Variants in RER1 observed in about 807,000 individuals in gnomAD.
The protein encoded by RER1 is protein RER1.
A neutral mutation model predicts 28.3 loss-of-function variants in RER1; 6 were observed. The observed-to-expected ratio is 0.21, with a 90% CI of 0.12 to 0.42. RER1 has a LOEUF of 0.42. Ranked by LOEUF, RER1 falls within the 10% of genes least tolerant of loss-of-function variation. The pLI is 1.00. For synonymous variants in RER1, 110 were observed against 95.9 expected, an observed-to-expected ratio of 1.15 and a Z score of -0.86; for missense variants, 159 against 252.9, an observed-to-expected ratio of 0.63 and a Z score of 2.52.
chr1:2,398,484 GT>G (rs1200327107), intron 3 of RER1, among the ~76,000 whole-genome samples: 1 of 152,250 alleles, frequency 6.6e-6, no homozygotes, highest in African/African-American at 2.4e-5. Context: ...CACCTCCTGG[GT>G]TCAAGTGATT....
rs1444229218 is a variant in RER1 at position 2,403,506 on chromosome 1, G to A, written c.*382G>A. 2.1e-5 allele frequency: 6 copies of A among 290,658 alleles called. No individual in the cohort carries two copies. The highest frequency in any genetic ancestry group is 3.4e-5 in the Non-Finnish European group (5 of 149,054). The allele number at this position is 290,658 out of a possible 1,614,324, so 18.0% of individuals were successfully genotyped here. On this transcript the variant is annotated 3_prime_UTR_variant, in exon 7 of 7. Coordinates refer to ENST00000605895, the MANE Select transcript of RER1 (RefSeq NM_007033.5). ...CCGCCAGCCGCCTTCCCCAGCAGCC[G>A]CAGGTGGTGCCAGCCACTCCACAGA...
chr1:2,400,491 C>A (rs981302913), intron 4 of RER1, among the ~76,000 whole-genome samples: 1 of 152,248 alleles, frequency 6.6e-6, no homozygotes, highest in Non-Finnish European at 1.5e-5. Context: ...CCGGGTTCCA[C>A]GGTCAGCGCA....
chr1:2,396,755 C>G (rs987370248), intron 2 of RER1, among the ~76,000 whole-genome samples: 1 of 152,066 alleles, frequency 6.6e-6, no homozygotes, highest in Non-Finnish European at 1.5e-5. Context: ...TGAGATGTGA[C>G]GATAAGGGCT....
intron 3 of RER1, among the ~76,000 whole-genome samples, chr1:2,398,918 T>A (rs1474629514): frequency 1.3e-5 from 2 of 152,200 alleles, no homozygotes; most frequent in African/African-American, 2.4e-5. Flanking sequence ...GCAGAGTGTT[T>A]TTGGCAATGT....
At position 2,402,243 on chromosome 1, in the gene RER1, C is replaced by A; in HGVS notation, c.402C>A (p.Val134=). ...CCAAGGGCATCCTTGTGGCTATGGTCTGTACTTTCTTCGACGCTTTCAACG... is the reference window on the plus strand; with the variant it reads ...CCAAGGGCATCCTTGTGGCTATGGTATGTACTTTCTTCGACGCTTTCAACG... ...AATKGILVAM[V]CTFFDAFNVP... Residue 134 remains valine, a synonymous_variant, in exon 6 of 7, where the codon GTC becomes GTA. Transcript: ENST00000605895. 1.2e-6 allele frequency: 2 copies of A among 1,614,226 alleles called. No individual in the cohort carries two copies. The highest frequency in any genetic ancestry group is 1.7e-6 in the Non-Finnish European group (2 of 1,180,038).
At chr1:2,396,967 G>C in intron 2 of RER1, 149 bp from the exon 3 acceptor site, 1 of 574,074 alleles carries the variant, frequency 1.7e-6, no homozygotes, top group Non-Finnish European at 3.2e-6. Flanking sequence ...TCTTTGTGCT[G>C]ATACATAGAT....
intron 3 of RER1, among the ~76,000 whole-genome samples, chr1:2,399,080 T>C (rs529856810): frequency 2.0e-5 from 3 of 152,340 alleles, no homozygotes; most frequent in Admixed American, 6.5e-5. Context: ...AGCTTGAGCA[T>C]GTGCTTCTTG....
At chr1:2,395,532 T>C (rs1019281261) in intron 1 of RER1, 2 of 489,156 alleles carry the variant, frequency 4.1e-6, no homozygotes, top group Non-Finnish European at 7.5e-6. Flanking sequence ...CGCAGGTGAC[T>C]GAGGTGCCAG....
At chr1:2,395,594 C>T in intron 1 of RER1, 190 bp from the exon 2 acceptor site, 1 of 583,822 alleles carries the variant, frequency 1.7e-6, no homozygotes, top group African/African-American at 1.9e-5. Flanking sequence ...TCTCACGCTG[C>T]CCTTCCTCTC....
intron 4 of RER1, among the ~76,000 whole-genome samples, chr1:2,400,560 C>A (rs543698880): frequency 1.3e-5 from 2 of 152,316 alleles, no homozygotes; most frequent in African/African-American, 4.8e-5. Context: ...CCTTTGTTTT[C>A]TTCTGTGCCT....
intron 3 of RER1, among the ~76,000 whole-genome samples, 164 bp downstream of exon 3, chr1:2,397,384 C>T (rs941615180): frequency 7.2e-5 from 11 of 152,206 alleles, no homozygotes; most frequent in South Asian, 2.1e-4. Flanking sequence ...CTGTCTTTAA[C>T]GAACAGGGTT....
intron 2 of RER1, among the ~76,000 whole-genome samples, chr1:2,396,561 A>T (rs1557901587): frequency 6.6e-6 from 1 of 152,268 alleles, no homozygotes; most frequent in Non-Finnish European, 1.5e-5. Flanking sequence ...AAATTAAAAT[A>T]AAAAACCATA....
chr1:2,394,246 G>C (rs1001169594), intron 1 of RER1: 6 of 152,200 alleles, frequency 3.9e-5, no homozygotes, highest in Non-Finnish European at 7.3e-5. Context: ...CGGTCTCCTT[G>C]AGCAGCCTGG....
Position 2,403,751 on chromosome 1 carries a change from A to G in RER1, c.*627A>G, listed in dbSNP as rs1278535241. On this transcript the variant is annotated 3_prime_UTR_variant, in exon 7 of 7. Transcript: ENST00000605895. The stretch of plus-strand genomic sequence containing the variant: ...AATTATAAATATATATTATATTTTA[A>G]TTGTTTGAGATTATTTTGACACATT... 1 of 152,556 alleles carries G rather than the reference A, an allele frequency of 6.6e-6. No individual in the cohort carries two copies. The highest frequency in any genetic ancestry group is 6.6e-5 in the Admixed American group (1 of 15,266). 9.5% of individuals were successfully genotyped at this position (152,556 alleles called of 1,614,324 possible).
chr1:2,395,580 T>A (rs1455297878), intron 1 of RER1: 2 of 564,218 alleles, frequency 3.5e-6, no homozygotes, highest in Non-Finnish European at 6.4e-6. Flanking sequence ...CCTGGGCCCA[T>A]GCGTCTCACG....
In RER1 at chr1:2,405,268, G is replaced by A. The variant is rs948115083; in HGVS notation, c.*2144G>A. On this transcript the variant is annotated 3_prime_UTR_variant, in exon 7 of 7. Coordinates refer to ENST00000605895, the MANE Select transcript of RER1 (RefSeq NM_007033.5). ...AGCCGCCCTCGGGGAGAGCAGCGCC[G>A]CCTCCCATGGGGCCGTGGGGCTGCT... 4.3e-5 allele frequency: 12 copies of A among 281,916 alleles called. No individual in the cohort carries two copies. Among genetic ancestry groups the A allele is most frequent in the East Asian group, 1.0e-4 (1 of 9,964 alleles). The allele number at this position is 281,916 out of a possible 1,614,324, so 17.5% of individuals were successfully genotyped here. A position where few individuals can be genotyped will look rare whatever the true frequency, so the allele number is the denominator to read the frequency against.
chr1:2,397,816 C>T (rs370194092), intron 3 of RER1, among the ~76,000 whole-genome samples: 211 of 152,218 alleles, frequency 1.4e-3, no homozygotes, highest in Non-Finnish European at 2.5e-3. Flanking sequence ...CTGGTAAACA[C>T]GGGGTTTCTA....
At chr1:2,392,229 GGGGCTGCAGCCCTCGAGCCACCC>G (rs1642687701) in intron 1 of RER1, among the ~76,000 whole-genome samples, 1 of 152,132 alleles carries the variant, frequency 6.6e-6, no homozygotes, top group African/African-American at 2.4e-5. Context: ...GGGCCGGGCG[GGGGCTGCAGCCCTCGAGCCACCC>G]GGGCCGCATC....
chr1:2,401,048 G>A, intron 5 of RER1, 113 bp downstream of exon 5: 1 of 897,476 alleles, frequency 1.1e-6, no homozygotes. Flanking sequence ...TGCTGGGCTG[G>A]GCACGGGGAA....
Sources: gnomAD v4.1 joint callset for allele counts (sites outside exome capture counted in the v4.1 genomes callset) on GRCh38, gnomAD v4.1.1 for gene constraint, MANE v1.5 for transcripts, NCBI Gene and HGNC (gene_info 2026-07-23, HGNC 2026-07-21) for gene names.